Variants in ZNF483 observed in about 807,000 individuals in gnomAD.
The protein encoded by ZNF483 is zinc finger protein 483.
In ZNF483, 9 loss-of-function variants were observed where a neutral mutation model predicts 28.6. That is an observed-to-expected ratio of 0.32 (90% confidence interval 0.19 to 0.55). The LOEUF (loss-of-function observed/expected upper bound fraction) is 0.55, where lower values mean the gene tolerates loss of function less well. Ranked by LOEUF, ZNF483 falls within the 20% of genes least tolerant of loss-of-function variation. ZNF483 has a pLI of 0.93. For missense variants in ZNF483, 675 were observed against 871.7 expected, an observed-to-expected ratio of 0.77 and a Z score of 2.84; for synonymous variants, 322 against 306.2, an observed-to-expected ratio of 1.05 and a Z score of -0.54.
At chr9:111,534,503 G>A (rs1388917295) in intron 5 of ZNF483, 150 bp downstream of exon 5, 12 of 658,658 alleles carry the variant, frequency 1.8e-5, no homozygotes, top group African/African-American at 3.6e-5. Flanking sequence ...CATTTTAGTG[G>A]GGGAGACTTG....
At chr9:111,527,082 C>T (rs1040368003) in intron 1 of ZNF483, among the ~76,000 whole-genome samples, 186 bp from the exon 2 acceptor site, 3 of 151,764 alleles carry the variant, frequency 2.0e-5, no homozygotes, top group Non-Finnish European at 4.4e-5. Context: ...AGCCTGGGCA[C>T]CAAGAGCGAA....
At chr9:111,565,966 C>G (rs1828543172) in intron 5 of ZNF483, among the ~76,000 whole-genome samples, 1 of 152,120 alleles carries the variant, frequency 6.6e-6, no homozygotes, top group South Asian at 2.1e-4. Context: ...AATTCGAGCA[C>G]TTTGTGAGGC....
At chr9:111,567,632 G>C (rs777728641) in intron 5 of ZNF483, among the ~76,000 whole-genome samples, 141 of 152,206 alleles carry the variant, frequency 9.3e-4, no homozygotes, top group Middle Eastern at 6.3e-3. Flanking sequence ...TTTTGTGTAA[G>C]CTTACTGAAT....
At chr9:111,525,387 C>G (rs554998583) in intron 1 of ZNF483, 125 bp downstream of exon 1, 1 of 152,406 alleles carries the variant, frequency 6.6e-6, no homozygotes, top group African/African-American at 2.4e-5. Flanking sequence ...GCTGCTGCTG[C>G]TTCTGTGGGA....
At chr9:111,575,142 G>C (rs1019197765) in intron 5 of ZNF483, among the ~76,000 whole-genome samples, 1 of 152,002 alleles carries the variant, frequency 6.6e-6, no homozygotes, top group African/African-American at 2.4e-5. Flanking sequence ...CTCTACTAAA[G>C]ATACAAAAAA....
intron 3 of ZNF483, among the ~76,000 whole-genome samples, 174 bp from the exon 4 acceptor site, chr9:111,533,565 C>CAGCTA (rs1827402328): frequency 6.6e-6 from 1 of 151,998 alleles, no homozygotes; most frequent in Non-Finnish European, 1.5e-5. Flanking sequence ...CCTGCAGTCC[C>CAGCTA]AGCTACTGGT....
At chr9:111,530,800 T>TATATATATATATATATATATAC (rs1388084545) in intron 2 of ZNF483, 75 bp from the exon 3 acceptor site, 1 of 56,448 alleles carries the variant, frequency 1.8e-5, no homozygotes, top group African/African-American at 8.3e-5. Flanking sequence ...TATATATATA[T>TATATATATATATATATATATAC]ACATATATAT....
chr9:111,561,110 T>G (rs13299946), intron 5 of ZNF483, among the ~76,000 whole-genome samples: 8,821 of 19,102 alleles, frequency 0.46, 2,002 homozygotes, highest in East Asian at 0.58. Context: ...TATATATATA[T>G]AGAGAGAGAG....
At position 111,546,812 on chromosome 9, in the gene ZNF483, A is replaced by ACT. The variant is rs1363511151; in HGVS notation, c.*3645_*3646dup. On this transcript the variant is annotated 3_prime_UTR_variant, in exon 6 of 6. Transcript: ENST00000309235. ...AACTTTTTCATCATCCCAAACTGAA[A>ACT]CTCTGTACTCCTTAAACAGTAACTC... Among the ~76,000 whole-genome samples, 1 of 151,910 alleles carries ACT rather than the reference A, an allele frequency of 6.6e-6. No individual in the cohort carries two copies. The highest frequency in any genetic ancestry group is 1.9e-4 in the East Asian group (1 of 5,182).
intron 5 of ZNF483, among the ~76,000 whole-genome samples, chr9:111,535,516 G>T (rs1417629987): frequency 6.6e-6 from 1 of 152,196 alleles, no homozygotes; most frequent in Non-Finnish European, 1.5e-5. Context: ...AAACATTCAT[G>T]TTAACACTGG....
chr9:111,531,029 A>G (rs991960526), intron 3 of ZNF483, 66 bp downstream of exon 3: 1 of 726,894 alleles, frequency 1.4e-6, no homozygotes, highest in Non-Finnish European at 2.1e-6. Context: ...TGAGTGGTAT[A>G]AAGATATAAA....
At chr9:111,528,775 G>A (rs1414338504) in intron 2 of ZNF483, among the ~76,000 whole-genome samples, 8 of 152,118 alleles carry the variant, frequency 5.3e-5, no homozygotes, top group Non-Finnish European at 1.0e-4. Context: ...TGGGTTTCCT[G>A]ACTCCTCTGT....
rs530875845 is a variant in ZNF483, at chr9:111,540,997, G to A, written c.722-660G>A. On this transcript the variant is annotated intron_variant, in intron 5 of 5. Transcript: ENST00000309235. ...ACTTGTATTACACCGTGCTTGGTGC[G>A]GGACCTGGCATTTGGTAAATATTCA... Among the ~76,000 whole-genome samples, 8 of 152,146 alleles carry A rather than the reference G, an allele frequency of 5.3e-5. No homozygotes were observed. In the South Asian group the frequency reaches 1.5e-3, roughly 28 times the overall value.
At position 111,541,899 on chromosome 9, in the gene ZNF483, A is replaced by C. The variant is rs1176292425; in HGVS notation, c.964A>C (p.Arg322=). The part of the protein sequence containing the change: ...KETSDLIKHL[R]VYLRKKSRRY... ...AACTTCAGACTTAATTAAACATCTG[A>C]GAGTCTACTTGAGGAAGAAATCTCG... Residue 322 remains arginine (R), a synonymous_variant, in exon 6 of 6, where the codon AGA becomes CGA. Coordinates refer to ENST00000309235, the MANE Select transcript of ZNF483 (RefSeq NM_133464.5). 1 of 1,614,028 alleles carries C rather than the reference A, an allele frequency of 6.2e-7. No homozygotes were observed. Among genetic ancestry groups the C allele is most frequent in the Non-Finnish European group, 8.5e-7 (1 of 1,180,040 alleles).
intron 2 of ZNF483, among the ~76,000 whole-genome samples, chr9:111,530,120 C>G (rs1242360035): frequency 2.0e-5 from 3 of 152,120 alleles, no homozygotes; most frequent in African/African-American, 7.2e-5. Context: ...TCAGCTCCAC[C>G]CCCCAACCTG....
exon 6 of ZNF483, chr9:111,576,492 G>A: frequency 6.3e-7 from 1 of 1,592,654 alleles, no homozygotes; most frequent in East Asian, 2.2e-5. Context: ...CAGTTCAAGA[G>A]GCTCTGGTTC....
intron 2 of ZNF483, 103 bp from the exon 3 acceptor site, chr9:111,530,772 T>TATATATATATATATATATATATATAC (rs1827311869): frequency 2.6e-5 from 1 of 38,242 alleles, no homozygotes; most frequent in Non-Finnish European, 4.5e-5. Context: ...TATATATATA[T>TATATATATATATATATATATATATAC]ATATATATAT....
intron 5 of ZNF483, among the ~76,000 whole-genome samples, chr9:111,536,277 T>TG (rs1347409303): frequency 6.6e-6 from 1 of 151,684 alleles, no homozygotes; most frequent in Non-Finnish European, 1.5e-5. Flanking sequence ...CCCAGCACTT[T>TG]GGGAGGCTGA....
chr9:111,564,276 T>TA, intron 5 of ZNF483: 1 of 720,582 alleles, frequency 1.4e-6, no homozygotes, highest in South Asian at 3.5e-5. Context: ...AAATTTAAAC[T>TA]TTTATTATTA....
Sources: gnomAD v4.1 joint callset for allele counts (sites outside exome capture counted in the v4.1 genomes callset) on GRCh38, gnomAD v4.1.1 for gene constraint, MANE v1.5 for transcripts, NCBI Gene and HGNC (gene_info 2026-07-23, HGNC 2026-07-21) for gene names.